RBFOX3: variants seen among roughly 807,000 people sequenced by gnomAD.
The protein encoded by RBFOX3 is RNA binding protein fox-1 homolog 3.
RBFOX3 carries 17 observed loss-of-function variants against 48.7 expected under a neutral mutation model. The observed-to-expected ratio is 0.35, with a 90% CI of 0.24 to 0.52. RBFOX3 has a LOEUF of 0.52. Ranked by LOEUF, RBFOX3 falls within the 20% of genes least tolerant of loss-of-function variation. The pLI, the probability that RBFOX3 is intolerant of heterozygous loss-of-function variation, is 0.94. For missense variants in RBFOX3, 382 were observed against 497.5 expected (o/e 0.77, Z 2.21); for synonymous variants, 212 against 209.5 (o/e 1.01, Z -0.10).
chr17:79,116,172 T>A (rs892975801), intron 4 of RBFOX3, among the ~76,000 whole-genome samples: 2 of 152,196 alleles, frequency 1.3e-5, no homozygotes, highest in African/African-American at 4.8e-5. Flanking sequence ...ACCAGCAGGA[T>A]ACTGACATGG....
intron 2 of RBFOX3, among the ~76,000 whole-genome samples, chr17:79,350,131 C>G (rs2083624163): frequency 6.6e-6 from 1 of 152,196 alleles, no homozygotes; most frequent in South Asian, 2.1e-4. Flanking sequence ...GGAGAGCGCC[C>G]AGGATGCCCC....
At position 79,249,113 on chromosome 17, in the gene RBFOX3, C is replaced by T. The variant is rs1441565447; in HGVS notation, c.-73-13308G>A. On this transcript the variant is annotated intron_variant, in intron 3 of 14. Coordinates refer to ENST00000693108, the MANE Select transcript of RBFOX3 (RefSeq NM_001350451.2). This position sits in a 1 kb window ranked among gnomAD's most constrained non-coding sequence, Gnocchi z 4.1. ...CTCGCTTCCTGCAGCTGACAAAGGA[C>T]TCCTGAGGCCACTAACCCTTCCAAG... Among the ~76,000 whole-genome samples the T allele has an allele frequency of 6.6e-6, 1 of 152,208 alleles. No individual in the cohort carries two copies. Among genetic ancestry groups the T allele is most frequent in the African/African-American group, 2.4e-5 (1 of 41,448 alleles).
At chr17:79,620,613 ACACACG>A in the RBFOX3 span, among the ~76,000 whole-genome samples, 1 of 134,784 alleles carries the variant, frequency 7.4e-6, no homozygotes, top group African/African-American at 2.9e-5. Context: ...GCACACATGC[ACACACG>A]CACATGCACA....
chr17:79,620,130 CAT>C, the RBFOX3 span, among the ~76,000 whole-genome samples: 3 of 148,976 alleles, frequency 2.0e-5, no homozygotes, highest in Middle Eastern at 3.5e-3. Flanking sequence ...CACATACACA[CAT>C]GCACACGCGC....
the RBFOX3 span, among the ~76,000 whole-genome samples, chr17:79,661,904 T>C: frequency 3.6e-4 from 55 of 152,176 alleles, no homozygotes; most frequent in Non-Finnish European, 6.9e-4. Flanking sequence ...TGGTGACATA[T>C]GTTGCCAATA....
At position 79,430,140 on chromosome 17, in the gene RBFOX3, C is replaced by T. The variant is rs560946648; in HGVS notation, c.-175+52314G>A. Among the ~76,000 whole-genome samples the T allele has an allele frequency of 2.0e-3, 300 of 152,268 alleles. 3 individuals are homozygous for T. Among genetic ancestry groups the T allele is most frequent in the African/African-American group, 7.1e-3 (293 of 41,528 alleles). The stretch of plus-strand genomic sequence containing the variant: ...CACTCAGACCACAGGGGCCAGCCAG[C>T]CGTCGCTTTGAAGACGACTTCAGAG... On this transcript the variant is annotated intron_variant, in intron 2 of 14. Transcript: ENST00000693108.
At chr17:79,475,747 G>A (rs1472270541) in intron 2 of RBFOX3, among the ~76,000 whole-genome samples, 28 of 152,314 alleles carry the variant, frequency 1.8e-4, no homozygotes, top group African/African-American at 6.7e-4. Flanking sequence ...ATGGGGGTGG[G>A]GTTGCCTCAT....
chr17:79,178,738 C>T (rs1441841104), intron 4 of RBFOX3, among the ~76,000 whole-genome samples: 8 of 152,244 alleles, frequency 5.3e-5, no homozygotes, highest in Non-Finnish European at 1.0e-4. Context: ...TGGCTCAAAG[C>T]AAGGACCAAG....
At chr17:79,164,812 CA>C (rs1233011136) in intron 4 of RBFOX3, among the ~76,000 whole-genome samples, 4 of 152,126 alleles carry the variant, frequency 2.6e-5, no homozygotes, top group African/African-American at 9.7e-5. Flanking sequence ...CTGGGAGGGC[CA>C]GGGGGAGCCA....
intron 3 of RBFOX3, among the ~76,000 whole-genome samples, chr17:79,238,831 C>A (rs1410711641): frequency 6.6e-6 from 1 of 152,216 alleles, no homozygotes; most frequent in African/African-American, 2.4e-5. Flanking sequence ...AGCCACATTT[C>A]AATCACCAAA....
In RBFOX3 at chr17:79,362,128, T is replaced by C. The variant is rs1255138817; in HGVS notation, c.-174-54304A>G. ...CGAGAGAATCCACTCCACTGCCAGC[T>C]CACACACAGCCCTCCACGGGCCACG... On this transcript the variant is annotated intron_variant, in intron 2 of 14. Transcript: ENST00000693108. The surrounding 1 kb of genome is among the most constrained non-coding windows in gnomAD (Gnocchi z 4.2). Among the ~76,000 whole-genome samples the C allele has an allele frequency of 6.6e-6, 1 of 152,142 alleles. No individual in the cohort carries two copies. The highest frequency in any genetic ancestry group is 1.5e-5 in the Non-Finnish European group (1 of 68,016).
intron 1 of RBFOX3, among the ~76,000 whole-genome samples, chr17:79,573,204 C>T (rs998017533): frequency 2.0e-5 from 3 of 152,172 alleles, no homozygotes; most frequent in Non-Finnish European, 2.9e-5. Context: ...CTCTCCAGAG[C>T]GCAGCAGCAG....
chr17:79,522,049 G>A (rs2086189484), intron 1 of RBFOX3, among the ~76,000 whole-genome samples: 1 of 152,300 alleles, frequency 6.6e-6, no homozygotes, highest in Non-Finnish European at 1.5e-5. Flanking sequence ...TTGGACCAGT[G>A]CAGGCCACAC....
rs763491607 is a variant in RBFOX3 at position 79,223,276 on chromosome 17, A to C, written c.-34+12490T>G. ...ACACACACAGCTGCATATATCTGCA[A>C]ACACACACATGCACGGATGCCCTGA... On this transcript the variant is annotated intron_variant, in intron 4 of 14. Coordinates refer to ENST00000693108, the MANE Select transcript of RBFOX3 (RefSeq NM_001350451.2). Among the ~76,000 whole-genome samples the C allele has an allele frequency of 1.4e-4, 22 of 152,174 alleles. No individual in the cohort carries two copies. The Middle Eastern group carries it at 0.01, about 71-fold the overall frequency.
At chr17:79,617,726 G>A in the RBFOX3 span, among the ~76,000 whole-genome samples, 12 of 152,156 alleles carry the variant, frequency 7.9e-5, no homozygotes, top group Non-Finnish European at 7.3e-5. Context: ...TCTCACTGTC[G>A]TGGAAGTCAT....
At chr17:79,122,120 A>C (rs34797660) in intron 4 of RBFOX3, among the ~76,000 whole-genome samples, 137,083 of 152,120 alleles carry the variant, frequency 0.9, 62,036 homozygotes, top group Non-Finnish European at 0.95. Flanking sequence ...TGGCCCACAC[A>C]CCACAAACAG....
intron 2 of RBFOX3, among the ~76,000 whole-genome samples, chr17:79,413,943 G>A (rs909634581): frequency 3.9e-5 from 6 of 152,106 alleles, no homozygotes; most frequent in Admixed American, 1.3e-4. Flanking sequence ...TGGGCTCTGG[G>A]GGTAGGAGAG....
At chr17:79,283,806 G>A (rs114934979) in intron 3 of RBFOX3, among the ~76,000 whole-genome samples, 8 of 152,256 alleles carry the variant, frequency 5.3e-5, no homozygotes, top group Admixed American at 1.3e-4. Flanking sequence ...TGGATCCATC[G>A]CCTAGAACTC....
intron 4 of RBFOX3, among the ~76,000 whole-genome samples, chr17:79,158,469 C>T (rs991047515): frequency 2.0e-5 from 3 of 152,188 alleles, no homozygotes; most frequent in African/African-American, 7.2e-5. Flanking sequence ...AAACCTGCTC[C>T]TGTTCTTACA....
Sources: allele counts gnomAD v4.1 joint callset (sites outside exome capture counted in the v4.1 genomes callset), GRCh38; gene constraint gnomAD v4.1.1; non-coding constraint Gnocchi (gnomAD v3.1); transcripts MANE v1.5; gene names NCBI Gene and HGNC (gene_info 2026-07-23, HGNC 2026-07-21).